Variants in GRIP1 observed in about 807,000 individuals in gnomAD.
GRIP1 encodes glutamate receptor-interacting protein 1.
A neutral mutation model predicts 129.9 loss-of-function variants in GRIP1; 45 were observed. The ratio of observed to expected loss-of-function variants is 0.35; its 90% CI spans 0.27 to 0.44. GRIP1 has a LOEUF of 0.44. GRIP1 is among the 20% of genes least tolerant of loss of function. GRIP1 has a pLI of 1.00. For missense variants in GRIP1, 1,196 were observed against 1,396.8 expected (o/e 0.86, Z 2.29); for synonymous variants, 530 against 520.8 (o/e 1.02, Z -0.24).
At chr12:66,374,578 G>A (rs1382912985) in intron 22 of GRIP1, among the ~76,000 whole-genome samples, 2 of 152,132 alleles carry the variant, frequency 1.3e-5, no homozygotes, top group Admixed American at 1.3e-4. Flanking sequence ...TACCTACTTA[G>A]ACTAGTTGTT....
intron 24 of GRIP1, among the ~76,000 whole-genome samples, chr12:66,349,703 C>G (rs2054134097): frequency 6.6e-6 from 1 of 152,196 alleles, no homozygotes; most frequent in South Asian, 2.1e-4. Context: ...CGAGCTCCAC[C>G]AGGTGCAGTG....
At chr12:66,844,589 C>T (rs1485815122) in intron 1 of GRIP1, among the ~76,000 whole-genome samples, 2 of 152,198 alleles carry the variant, frequency 1.3e-5, no homozygotes, top group African/African-American at 2.4e-5. Flanking sequence ...ATGTGCTTCA[C>T]AATTCCACTT....
At chr12:66,846,062 C>G (rs1027979771) in intron 1 of GRIP1, among the ~76,000 whole-genome samples, 1 of 152,184 alleles carries the variant, frequency 6.6e-6, no homozygotes, top group Non-Finnish European at 1.5e-5. Context: ...TTGCTTCAAT[C>G]CAACAATGCT....
intron 1 of GRIP1, among the ~76,000 whole-genome samples, chr12:66,988,487 C>T (rs1287038141): frequency 6.6e-6 from 1 of 152,080 alleles, no homozygotes; most frequent in East Asian, 1.9e-4. Flanking sequence ...TCAAGTGATT[C>T]TCCCACTTCA....
intron 1 of GRIP1, among the ~76,000 whole-genome samples, chr12:66,842,505 A>T (rs1252330346): frequency 6.6e-6 from 1 of 152,170 alleles, no homozygotes; most frequent in Non-Finnish European, 1.5e-5. Flanking sequence ...TCAATGAGTT[A>T]ACAGTAAGTA....
At chr12:66,446,251 C>T (rs1438693274) in intron 11 of GRIP1, among the ~76,000 whole-genome samples, 6 of 152,036 alleles carry the variant, frequency 3.9e-5, no homozygotes, top group Non-Finnish European at 5.9e-5. Context: ...CAGACATCTC[C>T]ATCTTATTTC....
At chr12:67,010,206 A>G (rs188668787) in intron 1 of GRIP1, among the ~76,000 whole-genome samples, 23 of 152,278 alleles carry the variant, frequency 1.5e-4, no homozygotes, top group African/African-American at 5.5e-4. Flanking sequence ...GGTAATATAA[A>G]AGAAAAAAAT....
chr12:66,520,585 C>A (rs1370791810), intron 5 of GRIP1, among the ~76,000 whole-genome samples: 2 of 152,144 alleles, frequency 1.3e-5, no homozygotes, highest in Admixed American at 1.3e-4. Flanking sequence ...CCTCCACATA[C>A]CAGGCAGTAT....
chr12:66,720,745 T>C (rs1256082123), intron 1 of GRIP1, among the ~76,000 whole-genome samples: 2 of 152,184 alleles, frequency 1.3e-5, no homozygotes, highest in African/African-American at 4.8e-5. Context: ...GTCATATCTT[T>C]AGGCTTCCCT....
intron 1 of GRIP1, among the ~76,000 whole-genome samples, chr12:66,617,147 G>C (rs896566633): frequency 6.7e-6 from 1 of 150,166 alleles, no homozygotes; most frequent in African/African-American, 2.5e-5. Context: ...GTAGATGGGG[G>C]AGGTGAAGAG....
intron 5 of GRIP1, among the ~76,000 whole-genome samples, chr12:66,529,553 G>A (rs907388153): frequency 2.6e-5 from 4 of 152,080 alleles, no homozygotes; most frequent in Admixed American, 1.3e-4. Context: ...ATCAAATATC[G>A]TATGTTCTCA....
At chr12:66,735,518 T>A (rs1319920869) in intron 1 of GRIP1, among the ~76,000 whole-genome samples, 2 of 152,150 alleles carry the variant, frequency 1.3e-5, no homozygotes, top group Non-Finnish European at 2.9e-5. Flanking sequence ...CTGACTCACT[T>A]CTTACTGCCT....
At chr12:66,671,418 C>T (rs898291155) in intron 1 of GRIP1, among the ~76,000 whole-genome samples, 1 of 152,080 alleles carries the variant, frequency 6.6e-6, no homozygotes, top group African/African-American at 2.4e-5. Flanking sequence ...TTTTACCTCC[C>T]TACTGGTTCT....
intron 7 of GRIP1, 142 bp downstream of exon 7, chr12:66,515,473 TCAAA>T (rs2060817805): frequency 1.8e-5 from 15 of 814,610 alleles, no homozygotes; most frequent in Middle Eastern, 5.0e-4. Context: ...ATTCCTGAAC[TCAAA>T]CAGAGTAAAA....
At chr12:66,397,528 CTATGTGTTT>C (rs1424916482) in intron 16 of GRIP1, among the ~76,000 whole-genome samples, 1 of 149,872 alleles carries the variant, frequency 6.7e-6, no homozygotes, top group African/African-American at 2.5e-5. Flanking sequence ...AAAAAAAAAG[CTATGTGTTT>C]TTCTATCAGA....
intron 1 of GRIP1, among the ~76,000 whole-genome samples, chr12:67,056,904 G>A (rs1028963753): frequency 2.6e-5 from 4 of 152,042 alleles, no homozygotes; most frequent in Non-Finnish European, 5.9e-5. Context: ...TCCGCCTCCC[G>A]GGTTCAAGCG....
chr12:66,603,500 G>A (rs2064374375), intron 1 of GRIP1, among the ~76,000 whole-genome samples: 1 of 152,178 alleles, frequency 6.6e-6, no homozygotes, highest in African/African-American at 2.4e-5. Context: ...GGGAATCAGA[G>A]TCTGCATTTA....
intron 13 of GRIP1, among the ~76,000 whole-genome samples, chr12:66,441,469 C>A (rs771894786): frequency 6.6e-6 from 1 of 152,116 alleles, no homozygotes; most frequent in African/African-American, 2.4e-5. Flanking sequence ...GTCTTGCTAT[C>A]CAGCCCAGAC....
chr12:66,866,726 C>T (rs1289781836), intron 1 of GRIP1, among the ~76,000 whole-genome samples: 1 of 151,110 alleles, frequency 6.6e-6, no homozygotes, highest in Non-Finnish European at 1.5e-5. Flanking sequence ...TCATGTACCA[C>T]ACAAATATAT....
Sources: allele counts gnomAD v4.1 joint callset (sites outside exome capture counted in the v4.1 genomes callset), GRCh38; gene constraint gnomAD v4.1.1; transcripts MANE v1.5; gene names NCBI Gene and HGNC (gene_info 2026-07-23, HGNC 2026-07-21).